Variants in EMP2 observed in about 807,000 individuals in gnomAD.
EMP2 encodes the protein epithelial membrane protein 2.
Under a neutral mutation model 13.7 loss-of-function variants are expected in EMP2, and 19 were observed. The ratio of observed to expected loss-of-function variants is 1.38; its 90% CI spans 0.97 to 2.03. EMP2 has a LOEUF of 2.03. Ranked by LOEUF, EMP2 falls within the 30% of genes most tolerant of loss-of-function variation. The probability of loss-of-function intolerance (pLI) is 0.00; values close to 1 mark genes in which losing one functional copy is unlikely to be tolerated. For synonymous variants in EMP2, 97 were observed against 84.7 expected (o/e 1.15, Z -0.80); for missense variants, 253 against 220.7 (o/e 1.15, Z -0.93).
At chr16:10,572,072 T>A (rs1440514900) in intron 1 of EMP2, among the ~76,000 whole-genome samples, 4 of 152,140 alleles carry the variant, frequency 2.6e-5, no homozygotes, top group Non-Finnish European at 5.9e-5. Context: ...TCTAAATATA[T>A]TCAAAAAAGT....
intron 1 of EMP2, among the ~76,000 whole-genome samples, chr16:10,556,357 T>A (rs1453670371): frequency 6.6e-6 from 1 of 152,218 alleles, no homozygotes; most frequent in African/African-American, 2.4e-5. Flanking sequence ...GTTACAAGCC[T>A]GCGGTTGGCC....
At chr16:10,553,085 T>C (rs1567205640) in intron 1 of EMP2, among the ~76,000 whole-genome samples, 1 of 152,216 alleles carries the variant, frequency 6.6e-6, no homozygotes, top group Admixed American at 6.5e-5. Flanking sequence ...ACCCAGGACA[T>C]TGCTGGTGAC....
At chr16:10,539,457 C>T (rs1419584231) in intron 3 of EMP2, among the ~76,000 whole-genome samples, 3 of 152,154 alleles carry the variant, frequency 2.0e-5, no homozygotes, top group African/African-American at 7.2e-5. Context: ...CTATGACACA[C>T]ACCACATGAC....
intron 1 of EMP2, among the ~76,000 whole-genome samples, chr16:10,558,337 G>T (rs1217085348): frequency 6.6e-6 from 1 of 152,138 alleles, no homozygotes; most frequent in Admixed American, 6.5e-5. Context: ...GGAGTTTCAA[G>T]TTCTACAGTT....
chr16:10,560,032 G>A (rs534416023), intron 1 of EMP2, among the ~76,000 whole-genome samples: 1 of 152,248 alleles, frequency 6.6e-6, no homozygotes, highest in South Asian at 2.1e-4. Flanking sequence ...CTTCCCCAAT[G>A]TCACACAGCT....
chr16:10,577,734 G>T (rs12325612), intron 1 of EMP2, among the ~76,000 whole-genome samples: 1 of 151,958 alleles, frequency 6.6e-6, no homozygotes, highest in Non-Finnish European at 1.5e-5. Context: ...CAGGCATCCC[G>T]AGGCTGGCCT....
intron 1 of EMP2, among the ~76,000 whole-genome samples, chr16:10,570,100 A>C (rs903363341): frequency 1.9e-4 from 29 of 152,324 alleles, no homozygotes; most frequent in African/African-American, 6.5e-4. Context: ...ACTATCAGAT[A>C]GGAAGCGATG....
intron 1 of EMP2, among the ~76,000 whole-genome samples, chr16:10,548,253 GCT>G (rs2050755255): frequency 1.3e-5 from 2 of 152,132 alleles, no homozygotes; most frequent in African/African-American, 2.4e-5. Context: ...GGAAGGAGTG[GCT>G]CTGTGTGTGC....
intron 1 of EMP2, among the ~76,000 whole-genome samples, chr16:10,565,032 C>A (rs1321834608): frequency 6.6e-6 from 1 of 152,186 alleles, no homozygotes; most frequent in Non-Finnish European, 1.5e-5. Context: ...GCTCTTGCTG[C>A]TCAAAAGCTC....
At chr16:10,573,848 C>T (rs1227604935) in intron 1 of EMP2, among the ~76,000 whole-genome samples, 1 of 151,944 alleles carries the variant, frequency 6.6e-6, no homozygotes, top group East Asian at 1.9e-4. Context: ...ATACACTTTT[C>T]CACATATACT....
At chr16:10,549,830 A>G (rs1369415812) in intron 1 of EMP2, among the ~76,000 whole-genome samples, 1 of 151,452 alleles carries the variant, frequency 6.6e-6, no homozygotes, top group Non-Finnish European at 1.5e-5. Context: ...TGTATTTCTG[A>G]AAAACCAAGG....
chr16:10,575,863 C>T (rs1180329156), intron 1 of EMP2, among the ~76,000 whole-genome samples: 1 of 152,024 alleles, frequency 6.6e-6, no homozygotes, highest in Non-Finnish European at 1.5e-5. Context: ...AGTTGCAGGT[C>T]TCGGTCTGAA....
chr16:10,535,279 G>T (rs990896284), intron 4 of EMP2, among the ~76,000 whole-genome samples: 10 of 152,144 alleles, frequency 6.6e-5, no homozygotes, highest in African/African-American at 2.4e-4. Flanking sequence ...GGGATGCTAT[G>T]CAAGGAAAAT....
chr16:10,545,362 T>G (rs894741737), intron 2 of EMP2: 1 of 152,222 alleles, frequency 6.6e-6, no homozygotes, highest in African/African-American at 2.4e-5. Flanking sequence ...CATGGACTGG[T>G]ACCTGTCTGT....
rs766627270 is a variant in EMP2, at chr16:10,547,648, G to A, written c.-31C>T. 8 of 1,611,748 alleles carry A rather than the reference G, an allele frequency of 5.0e-6. No homozygotes were observed. Among genetic ancestry groups the A allele is most frequent in the Non-Finnish European group, 6.8e-6 (8 of 1,178,240 alleles). Reference sequence around the variant, plus strand: ...CAGGGCAGGGCGAGTCGAGGCGAGGGGTCACGTTTAAAGCCCAGAGCGGGA... The same window carrying A: ...CAGGGCAGGGCGAGTCGAGGCGAGGAGTCACGTTTAAAGCCCAGAGCGGGA... On this transcript the variant is annotated 5_prime_UTR_variant, in exon 2 of 5. Transcript: ENST00000359543.
At position 10,547,849 on chromosome 16, in the gene EMP2, A is replaced by G. The variant is rs6498079; in HGVS notation, c.-60-172T>C. Among the ~76,000 whole-genome samples, 31,319 of 151,994 alleles carry G rather than the reference A, an allele frequency of 0.21. 6,250 individuals are homozygous for G. Among genetic ancestry groups the G allele is most frequent in the African/African-American group, 0.53 (21,766 of 41,374 alleles). ...GGAGATTGAGACCAGCCCAGGCAAC[A>G]TAGTAAGACACTGTCTATAAAAACA... On this transcript the variant is annotated intron_variant, in intron 1 of 4. Transcript: ENST00000359543.
At chr16:10,562,309 C>T (rs2050876721) in intron 1 of EMP2, among the ~76,000 whole-genome samples, 1 of 149,948 alleles carries the variant, frequency 6.7e-6, no homozygotes, top group Non-Finnish European at 1.5e-5. Flanking sequence ...CAATTCTGGG[C>T]CAAAGCCTCA....
At chr16:10,575,888 C>T (rs2050981063) in intron 1 of EMP2, among the ~76,000 whole-genome samples, 1 of 151,922 alleles carries the variant, frequency 6.6e-6, no homozygotes, top group African/African-American at 2.4e-5. Flanking sequence ...AACATAGGGG[C>T]CTCTTTGCAA....
At chr16:10,542,361 G>C (rs149396995) in intron 3 of EMP2, among the ~76,000 whole-genome samples, 2,017 of 152,160 alleles carry the variant, frequency 0.013, 45 homozygotes, top group African/African-American at 0.045. Flanking sequence ...CTGCACCACT[G>C]CACTCCAGCC....
Sources: gnomAD v4.1 joint callset for allele counts (sites outside exome capture counted in the v4.1 genomes callset) on GRCh38, gnomAD v4.1.1 for gene constraint, MANE v1.5 for transcripts, NCBI Gene and HGNC (gene_info 2026-07-23, HGNC 2026-07-21) for gene names.